The following ADCY8 variants were observed in gnomAD, a reference collection of about 807,000 sequenced individuals.
ADCY8 encodes the protein adenylate cyclase type 8.
ADCY8 carries 51 observed loss-of-function variants against 119.7 expected under a neutral mutation model. That is an observed-to-expected ratio of 0.43 (90% CI 0.34 to 0.54). The LOEUF is 0.54. Among genes scored for constraint, ADCY8 ranks in the 20% least tolerant of loss-of-function variants. The pLI is 0.03. For missense variants in ADCY8, 1,383 were observed against 1,598.8 expected (o/e 0.87, Z 2.30); for synonymous variants, 665 against 651.0 (o/e 1.02, Z -0.33).
chr8:131,010,847 T>A (rs1280136441), intron 1 of ADCY8, among the ~76,000 whole-genome samples: 2 of 152,250 alleles, frequency 1.3e-5, no homozygotes, highest in Non-Finnish European at 2.9e-5. Context: ...AATTTGGCTA[T>A]CCTGGACTTG....
chr8:130,886,709 A>C (rs1242892450), intron 7 of ADCY8, among the ~76,000 whole-genome samples: 4 of 152,098 alleles, frequency 2.6e-5, no homozygotes, highest in Non-Finnish European at 5.9e-5. Flanking sequence ...GCTGGAGAGG[A>C]AATCTGCTAC....
intron 8 of ADCY8, 114 bp downstream of exon 8, chr8:130,884,450 C>A: frequency 8.8e-7 from 1 of 1,142,476 alleles, no homozygotes; most frequent in Non-Finnish European, 1.3e-6. Flanking sequence ...CAAACCAAAC[C>A]AAAGCAAACA....
rs755436255 is a variant in ADCY8 at position 130,903,834 on chromosome 8, T to A, written c.1849A>T (p.Thr617Ser). 6.2e-7 allele frequency: 1 copy of A among 1,613,852 alleles called. No individual in the cohort carries two copies. Among genetic ancestry groups the A allele is most frequent in the South Asian group, 1.1e-5 (1 of 91,064 alleles). Reference protein sequence around the residue: ...SSSDRRNSGATFTEGSWSPEL... With the variant: ...SSSDRRNSGASFTEGSWSPEL... ...GGGCTCCAGGATCCTTCAGTGAATGTGGCCCCACTGTTTCTCCGGTCTGAG... is the reference window on the plus strand; with the variant it reads ...GGGCTCCAGGATCCTTCAGTGAATGAGGCCCCACTGTTTCTCCGGTCTGAG... Residue 617 changes from threonine to serine, a missense_variant, in exon 7 of 18, where the codon ACA becomes TCA. Physicochemically the swap from Thr to Ser is moderately conservative, Grantham distance 58. Around this residue, in one of 2 missense-constraint regions of ADCY8, gnomAD observed 928 missense variants for 1,163.5 expected, o/e 0.80. Transcript: ENST00000286355.
intron 15 of ADCY8, among the ~76,000 whole-genome samples, chr8:130,788,587 A>G (rs1291833747): frequency 6.6e-6 from 1 of 152,124 alleles, no homozygotes. Flanking sequence ...TATAATTAAT[A>G]ATAATATACT....
intron 11 of ADCY8, among the ~76,000 whole-genome samples, chr8:130,842,067 T>C (rs1817161981): frequency 1.3e-5 from 2 of 152,326 alleles, no homozygotes; most frequent in Middle Eastern, 3.4e-3. Flanking sequence ...AAATTTTGTA[T>C]GTGGTTGGTG....
At chr8:130,957,124 G>T (rs6415526) in intron 2 of ADCY8, among the ~76,000 whole-genome samples, 149,660 of 152,224 alleles carry the variant, frequency 0.98, 73,582 homozygotes, top group African/African-American at 1. Flanking sequence ...GACATGAAAA[G>T]GTGGGAAAGT....
chr8:130,980,680 T>C (rs188768940), intron 2 of ADCY8, among the ~76,000 whole-genome samples: 1 of 152,336 alleles, frequency 6.6e-6, no homozygotes, highest in East Asian at 1.9e-4. Context: ...CAATACTTGT[T>C]GAGCAAATGA....
intron 1 of ADCY8, among the ~76,000 whole-genome samples, chr8:131,035,517 C>T (rs941746559): frequency 6.6e-6 from 1 of 152,040 alleles, no homozygotes; most frequent in African/African-American, 2.4e-5. Flanking sequence ...CATTTTGTAT[C>T]CACAGTGGAA....
intron 8 of ADCY8, among the ~76,000 whole-genome samples, chr8:130,881,138 C>T (rs1268113026): frequency 6.6e-6 from 1 of 152,264 alleles, no homozygotes; most frequent in African/African-American, 2.4e-5. Flanking sequence ...TTGACCCATG[C>T]CTTTCGGCTC....
At chr8:130,836,528 TAC>T in intron 11 of ADCY8, 79 bp from the exon 12 acceptor site, 1 of 1,453,216 alleles carries the variant, frequency 6.9e-7, no homozygotes, top group Non-Finnish European at 9.4e-7. Context: ...TAGTAGGTCT[TAC>T]ACACATTTGC....
chr8:130,943,470 C>T lies in ADCY8; in HGVS notation c.1242-8G>A. 1.9e-6 allele frequency: 1 copy of T among 518,110 alleles called. No individual in the cohort carries two copies. Among genetic ancestry groups the T allele is most frequent in the Non-Finnish European group, 3.0e-6 (1 of 331,800 alleles). The allele number at this position is 518,110 out of a possible 1,614,324, so 32.1% of individuals were successfully genotyped here. On this transcript the variant is annotated splice_polypyrimidine_tract_variant and splice_region_variant and intron_variant, in intron 3 of 17. Coordinates refer to ENST00000286355, the MANE Select transcript of ADCY8 (RefSeq NM_001115.3). ...ACATCTGCAAAAAGAATACTAAACA[C>T]AGGGAAGAGGGTGGGGGTGGGGGGA...
intron 7 of ADCY8, among the ~76,000 whole-genome samples, chr8:130,897,212 T>C (rs1819423738): frequency 2.0e-5 from 3 of 152,074 alleles, no homozygotes; most frequent in Admixed American, 1.3e-4. Context: ...AGGCTCAGCA[T>C]TGGATCCACA....
At chr8:130,893,604 T>G (rs565265007) in intron 7 of ADCY8, among the ~76,000 whole-genome samples, 1 of 152,226 alleles carries the variant, frequency 6.6e-6, no homozygotes, top group Admixed American at 6.5e-5. Flanking sequence ...CATTTTCTTG[T>G]GAACATCAAA....
chr8:131,027,475 G>A (rs1013804440), intron 1 of ADCY8, among the ~76,000 whole-genome samples: 1 of 152,194 alleles, frequency 6.6e-6, no homozygotes, highest in Non-Finnish European at 1.5e-5. Context: ...GGAGTGTTGG[G>A]GTGGTTCAGC....
chr8:130,901,092 A>C (rs1048654035), intron 7 of ADCY8, among the ~76,000 whole-genome samples: 8 of 152,048 alleles, frequency 5.3e-5, no homozygotes, highest in Non-Finnish European at 8.8e-5. Flanking sequence ...TATTCAACAA[A>C]CTTTAATCAA....
chr8:130,798,048 G>C (rs905543836), intron 15 of ADCY8, among the ~76,000 whole-genome samples: 1 of 152,136 alleles, frequency 6.6e-6, no homozygotes, highest in Admixed American at 6.5e-5. Flanking sequence ...TAAAATGAAG[G>C]CTAATAATTC....
At position 130,904,142 on chromosome 8, in the gene ADCY8, G is replaced by T; in HGVS notation, c.1641-100C>A. On this transcript the variant is annotated intron_variant, in intron 6 of 17. Transcript: ENST00000286355. The stretch of plus-strand genomic sequence containing the variant: ...AAACCAACACCAGGGTTACACAAGG[G>T]TATTATTAGGACATGTCCTCAGGGA... The T allele has an allele frequency of 4.2e-6, 5 of 1,198,156 alleles. No individual in the cohort carries two copies. In the South Asian group the frequency reaches 4.4e-5, roughly 11 times the overall value. The allele number at this position is 1,198,156 out of a possible 1,614,324, so 74.2% of individuals were successfully genotyped here.
intron 6 of ADCY8, 99 bp from the exon 7 acceptor site, chr8:130,904,141 G>A (rs1819703719): frequency 8.3e-7 from 1 of 1,199,298 alleles, no homozygotes; most frequent in East Asian, 2.4e-5. Context: ...GTTACACAAG[G>A]GTATTATTAG....
chr8:131,017,442 C>A (rs983816552), intron 1 of ADCY8, among the ~76,000 whole-genome samples: 13 of 152,296 alleles, frequency 8.5e-5, no homozygotes, highest in African/African-American at 3.1e-4. Context: ...CAAATTTGGA[C>A]TCTTTACTCC....
Sources: gnomAD v4.1 joint callset for allele counts (sites outside exome capture counted in the v4.1 genomes callset) on GRCh38, gnomAD v4.1.1 for gene constraint, gnomAD v4.1.1 regional missense constraint, MANE v1.5 for transcripts, NCBI Gene and HGNC (gene_info 2026-07-23, HGNC 2026-07-21) for gene names.